The following RAB38 variants were observed in gnomAD, a reference collection of about 807,000 sequenced individuals.
The protein encoded by RAB38 is ras-related protein Rab-38.
RAB38 carries 15 observed loss-of-function variants against 18.4 expected under a neutral mutation model. The observed-to-expected ratio is 0.82, with a 90% CI of 0.55 to 1.26. RAB38 has a LOEUF of 1.26. Ranked by LOEUF, RAB38 falls within the 50% of genes most tolerant of loss-of-function variation. The probability of loss-of-function intolerance (pLI) is 0.00; values close to 1 mark genes in which losing one functional copy is unlikely to be tolerated. For missense variants in RAB38, 294 were observed against 267.4 expected, an observed-to-expected ratio of 1.10 and a Z score of -0.69; for synonymous variants, 101 against 104.4, an observed-to-expected ratio of 0.97 and a Z score of 0.20.
the RAB38 span, among the ~76,000 whole-genome samples, chr11:87,975,809 GAAT>G: frequency 2.6e-5 from 4 of 151,124 alleles, no homozygotes; most frequent in African/African-American, 9.7e-5. Flanking sequence ...CTCCTCAAAA[GAAT>G]AATAAATTGA....
the RAB38 span, among the ~76,000 whole-genome samples, chr11:88,064,251 G>A: frequency 2.6e-5 from 4 of 152,230 alleles, no homozygotes; most frequent in African/African-American, 9.6e-5. Context: ...ATGGAATGGA[G>A]TAGAGAGTAG....
the RAB38 span, among the ~76,000 whole-genome samples, chr11:88,034,217 C>T: frequency 1.3e-3 from 192 of 152,106 alleles, 1 homozygote; most frequent in Non-Finnish European, 2.2e-3. Context: ...GAGTAATATT[C>T]CATGGTAAGA....
At chr11:88,125,811 A>G (rs1444491958) in intron 2 of RAB38, among the ~76,000 whole-genome samples, 2 of 152,182 alleles carry the variant, frequency 1.3e-5, no homozygotes, top group East Asian at 3.8e-4. Flanking sequence ...CCTGAATGGT[A>G]TTGCCTAGGT....
the RAB38 span, among the ~76,000 whole-genome samples, chr11:87,944,211 A>G: frequency 1.4e-4 from 21 of 152,290 alleles, no homozygotes; most frequent in African/African-American, 4.8e-4. Flanking sequence ...AGCACATCCT[A>G]TTAGAAAAGT....
intron 1 of RAB38, among the ~76,000 whole-genome samples, chr11:88,161,801 T>C (rs1943191771): frequency 6.6e-6 from 1 of 152,100 alleles, no homozygotes; most frequent in Admixed American, 6.6e-5. Flanking sequence ...CCTGGATTAT[T>C]ATGCTTTCAT....
At chr11:87,918,011 C>T in the RAB38 span, 8 of 152,006 alleles carry the variant, frequency 5.3e-5, no homozygotes, top group African/African-American at 1.9e-4. Context: ...TATAGAGGGC[C>T]AACTGAAGTT....
At chr11:88,030,749 C>G in the RAB38 span, among the ~76,000 whole-genome samples, 1 of 152,096 alleles carries the variant, frequency 6.6e-6, no homozygotes, top group Non-Finnish European at 1.5e-5. Context: ...GCTTACCAAC[C>G]AAAAAGAGTC....
the RAB38 span, among the ~76,000 whole-genome samples, chr11:87,914,959 G>A: frequency 6.6e-6 from 1 of 152,162 alleles, no homozygotes; most frequent in Non-Finnish European, 1.5e-5. Context: ...AGGCTTGGCA[G>A]CCTCCACCTA....
intron 1 of RAB38, 24 bp from the exon 2 acceptor site, chr11:88,149,979 T>A (rs1943044826): frequency 6.3e-7 from 1 of 1,586,728 alleles, no homozygotes; most frequent in Non-Finnish European, 8.6e-7. Flanking sequence ...GAAATAAAAA[T>A]AAAAATGTAT....
At chr11:87,913,818 T>C in the RAB38 span, among the ~76,000 whole-genome samples, 3 of 152,146 alleles carry the variant, frequency 2.0e-5, no homozygotes, top group African/African-American at 7.2e-5. Context: ...CCCCACCATG[T>C]TGTGATGTAG....
the RAB38 span, among the ~76,000 whole-genome samples, chr11:88,105,152 TAATA>T: frequency 6.6e-6 from 1 of 152,154 alleles, no homozygotes; most frequent in Non-Finnish European, 1.5e-5. Flanking sequence ...GTATATAAAT[TAATA>T]TACACCTTCC....
At chr11:88,051,630 A>G in the RAB38 span, among the ~76,000 whole-genome samples, 1 of 152,212 alleles carries the variant, frequency 6.6e-6, no homozygotes, top group Non-Finnish European at 1.5e-5. Context: ...CTCAACTTAC[A>G]TGGGAAAAAG....
At chr11:87,968,942 T>G in the RAB38 span, among the ~76,000 whole-genome samples, 1 of 152,118 alleles carries the variant, frequency 6.6e-6, no homozygotes, top group Non-Finnish European at 1.5e-5. Flanking sequence ...AATTAATTAA[T>G]GGGTACAATG....
the RAB38 span, among the ~76,000 whole-genome samples, chr11:87,937,176 G>T: frequency 4.0e-5 from 6 of 151,324 alleles, no homozygotes; most frequent in Non-Finnish European, 8.8e-5. Flanking sequence ...ATTGAGTTAG[G>T]TCAAATGCCT....
intron 2 of RAB38, among the ~76,000 whole-genome samples, chr11:88,135,394 C>T (rs574178506): frequency 6.6e-6 from 1 of 152,296 alleles, no homozygotes; most frequent in South Asian, 2.1e-4. Flanking sequence ...GTACCTGTAA[C>T]ATAGAGGTTC....
chr11:88,108,893 T>C (rs886704465), downstream of RAB38, among the ~76,000 whole-genome samples: 1 of 152,212 alleles, frequency 6.6e-6, no homozygotes. Context: ...CCTTTGCTTA[T>C]GAATCTTAGT....
At chr11:88,030,637 A>G in the RAB38 span, among the ~76,000 whole-genome samples, 1 of 152,254 alleles carries the variant, frequency 6.6e-6, no homozygotes, top group African/African-American at 2.4e-5. Context: ...GATGAAATGG[A>G]TAAATTCCTC....
chr11:88,093,222 C>T, the RAB38 span, among the ~76,000 whole-genome samples: 1 of 151,834 alleles, frequency 6.6e-6, no homozygotes, highest in African/African-American at 2.4e-5. Flanking sequence ...TTTGGATAGC[C>T]TATACTGACT....
the RAB38 span, among the ~76,000 whole-genome samples, chr11:87,891,711 T>C: frequency 2.0e-5 from 3 of 151,994 alleles, no homozygotes; most frequent in East Asian, 5.9e-4. Flanking sequence ...ATTTTGAATA[T>C]GTTATGTGTA....
Sources: allele counts gnomAD v4.1 joint callset (sites outside exome capture counted in the v4.1 genomes callset), GRCh38; gene constraint gnomAD v4.1.1; transcripts MANE v1.5; gene names NCBI Gene and HGNC (gene_info 2026-07-23, HGNC 2026-07-21).